Variants in DNM1 observed in about 807,000 individuals in gnomAD.
DNM1 encodes dynamin 1.
In DNM1, 29 loss-of-function variants were observed where a neutral mutation model predicts 104.6. That is an observed-to-expected ratio of 0.28 (90% confidence interval 0.21 to 0.38). The LOEUF (loss-of-function observed/expected upper bound fraction) is 0.38. Among genes scored for constraint, DNM1 ranks in the 10% least tolerant of loss-of-function variants. The pLI, the probability that DNM1 is intolerant of heterozygous loss-of-function variation, is 1.00. For missense variants in DNM1, 640 were observed against 1,189.4 expected (o/e 0.54, Z 6.79); for synonymous variants, 445 against 475.8 (o/e 0.94, Z 0.84).
intron 10 of DNM1, among the ~76,000 whole-genome samples, chr9:128,233,084 G>T (rs960934385): frequency 1.3e-5 from 2 of 152,256 alleles, no homozygotes; most frequent in Non-Finnish European, 2.9e-5. Context: ...TGAATCACCT[G>T]GGCTGTGCCC....
chr9:128,218,549 C>T lies in DNM1; in HGVS notation c.236-33C>T. The T allele has an allele frequency of 6.3e-7, 1 of 1,594,080 alleles. No individual in the cohort carries two copies. Among genetic ancestry groups the T allele is most frequent in the East Asian group, 2.2e-5 (1 of 44,504 alleles). On this transcript the variant is annotated intron_variant, in intron 2 of 21. Coordinates refer to ENST00000372923, the MANE Select transcript of DNM1 (RefSeq NM_004408.4). This position sits in a 1 kb window ranked among gnomAD's most constrained non-coding sequence, Gnocchi z 4.8. ...CAGGTGGGGTTCCAGACCTTGATGC[C>T]TACTGCCCTTCCCCTGCCCGCTTCT...
Position 128,229,783 on chromosome 9 carries a change from G to A in DNM1, c.1336-4238G>A, listed in dbSNP as rs908788741. Among the ~76,000 whole-genome samples the A allele has an allele frequency of 3.3e-5, 5 of 151,978 alleles. No individual in the cohort carries two copies. The East Asian group carries it at 9.7e-4, about 29-fold the overall frequency. On this transcript the variant is annotated intron_variant, in intron 10 of 21. Coordinates refer to ENST00000372923, the MANE Select transcript of DNM1 (RefSeq NM_004408.4). Reference sequence around the variant, plus strand: ...GAAAAATTAGCCGGGTGTGGTGGTGGGCACCTGTAATCTCAGCCACTCGGG... The same window carrying A: ...GAAAAATTAGCCGGGTGTGGTGGTGAGCACCTGTAATCTCAGCCACTCGGG...
At chr9:128,217,803 C>T (rs1183232133) in intron 1 of DNM1, among the ~76,000 whole-genome samples, 1 of 152,210 alleles carries the variant, frequency 6.6e-6, no homozygotes, top group Non-Finnish European at 1.5e-5. Context: ...TGAGATGCTG[C>T]CCTGCCCCAC....
chr9:128,220,850 G>A lies in DNM1; in HGVS notation c.849+509G>A, dbSNP rs1292117846. On this transcript the variant is annotated intron_variant, in intron 6 of 21. Coordinates refer to ENST00000372923, the MANE Select transcript of DNM1 (RefSeq NM_004408.4). This position sits in a 1 kb window ranked among gnomAD's most constrained non-coding sequence, Gnocchi z 5.2. ...CTCCCCCTCTGAGACACTCTCTCTG[G>A]CTCTCTGAGCCTCTATTTCTTTTTT... 6.7e-6 allele frequency among the ~76,000 whole-genome samples: 1 copy of A among 148,332 alleles called. No individual in the cohort carries two copies. The highest frequency in any genetic ancestry group is 6.7e-5 in the Admixed American group (1 of 14,912).
At chr9:128,236,183 T>C (rs1835999711) in intron 11 of DNM1, among the ~76,000 whole-genome samples, 1 of 152,140 alleles carries the variant, frequency 6.6e-6, no homozygotes, top group Non-Finnish European at 1.5e-5. Context: ...ATCACAAACA[T>C]AGCCACTGAA....
At chr9:128,252,862 G>A (rs1829611300) in intron 21 of DNM1, 1 of 683,790 alleles carries the variant, frequency 1.5e-6, no homozygotes, top group Admixed American at 2.0e-5. Flanking sequence ...GTGGCTGCAT[G>A]CCCCAGATCC....
Position 128,220,465 on chromosome 9 carries a change from C to G in DNM1, c.849+124C>G. 1 of 1,300,844 alleles carries G rather than the reference C, an allele frequency of 7.7e-7. No individual in the cohort carries two copies. Among genetic ancestry groups the G allele is most frequent in the African/African-American group, 1.5e-5 (1 of 67,870 alleles). The allele number at this position is 1,300,844 out of a possible 1,614,324, so 80.6% of individuals were successfully genotyped here. On this transcript the variant is annotated intron_variant, in intron 6 of 21. Transcript: ENST00000372923. This position sits in a 1 kb window ranked among gnomAD's most constrained non-coding sequence, Gnocchi z 5.2. Reference sequence around the variant, plus strand: ...TAGTGCAGATAGACAAACTGAGCCTCAGAAAAGCAAAGCAACTTGCCCACA... The same window carrying G: ...TAGTGCAGATAGACAAACTGAGCCTGAGAAAAGCAAAGCAACTTGCCCACA...
At chr9:128,217,264 G>C (rs1238261452) in intron 1 of DNM1, among the ~76,000 whole-genome samples, 2 of 152,218 alleles carry the variant, frequency 1.3e-5, no homozygotes, top group Non-Finnish European at 2.9e-5. Context: ...TGCTCTGCCA[G>C]ATACTGGCTG....
In DNM1 at chr9:128,243,081, A is replaced by C. The variant is rs11789170; in HGVS notation, c.1671+736A>C. 0.24 allele frequency among the ~76,000 whole-genome samples: 36,156 copies of C among 152,104 alleles called. 5,850 individuals are homozygous for C. The highest frequency in any genetic ancestry group is 0.46 in the African/African-American group (18,934 of 41,458). The stretch of plus-strand genomic sequence containing the variant: ...GCACCCCAGTCCCCTAGACCCCTGC[A>C]GTCCAAGGGAAATGACCAGGGTGCC... On this transcript the variant is annotated intron_variant, in intron 15 of 21. Transcript: ENST00000372923. The surrounding 1 kb of genome is among the most constrained non-coding windows in gnomAD (Gnocchi z 4.0).
rs1055965066 is a variant in DNM1 at position 128,222,399 on chromosome 9, C to G, written c.992+60C>G. 6.2e-7 allele frequency: 1 copy of G among 1,609,730 alleles called. No homozygotes were observed. Among genetic ancestry groups the G allele is most frequent in the Admixed American group, 1.7e-5 (1 of 59,868 alleles). On this transcript the variant is annotated intron_variant, in intron 7 of 21. Coordinates refer to ENST00000372923, the MANE Select transcript of DNM1 (RefSeq NM_004408.4). This position sits in a 1 kb window ranked among gnomAD's most constrained non-coding sequence, Gnocchi z 7.8. ...GCCCCCAGCCTCTCAGCGTGGGGCTCTCCCAGGGTTCCCTTTGCTGGGCTG... is the reference window on the plus strand; with the variant it reads ...GCCCCCAGCCTCTCAGCGTGGGGCTGTCCCAGGGTTCCCTTTGCTGGGCTG...
rs142104080 is a variant in DNM1 at position 128,229,046 on chromosome 9, A to G, written c.1335+4657A>G. 1.4e-3 allele frequency among the ~76,000 whole-genome samples: 217 copies of G among 152,268 alleles called. 1 individual carries two copies. Among genetic ancestry groups the G allele is most frequent in the Admixed American group, 4.3e-3 (65 of 15,284 alleles). On this transcript the variant is annotated intron_variant, in intron 10 of 21. Transcript: ENST00000372923. Reference sequence around the variant, plus strand: ...GGAGACTATCTAAATATTCACCAATAGGAAAATGGTTAAGTAAACTGTGAT... The same window carrying G: ...GGAGACTATCTAAATATTCACCAATGGGAAAATGGTTAAGTAAACTGTGAT...
Position 128,234,044 on chromosome 9 carries a change from G to A in DNM1, c.1359G>A (p.Arg453=), listed in dbSNP as rs968662562. 3 of 1,575,972 alleles carry A rather than the reference G, an allele frequency of 1.9e-6. No homozygotes were observed. The African/African-American group carries it at 4.1e-5, about 21-fold the overall frequency. The change falls in exon 11 of 22, where the codon CGG becomes CGA. Residue 453 remains arginine (R), a synonymous_variant. Transcript: ENST00000372923. ...TKKLQQYPRL[R]EEMERIVTTH... ...AGCTCCAGCAGTACCCGCGGCTACG[G>A]GAGGAGATGGAGCGCATCGTGACCA...
At chr9:128,232,279 C>G (rs1182431402) in intron 10 of DNM1, among the ~76,000 whole-genome samples, 1 of 152,192 alleles carries the variant, frequency 6.6e-6, no homozygotes, top group African/African-American at 2.4e-5. Context: ...TCTGCCCAGA[C>G]TTGGAGACTG....
intron 10 of DNM1, among the ~76,000 whole-genome samples, chr9:128,226,700 C>T (rs1426072509): frequency 2.0e-5 from 3 of 152,318 alleles, no homozygotes; most frequent in East Asian, 3.9e-4. Flanking sequence ...GGATTACTCA[C>T]TTTACAGTAA....
chr9:128,254,302 G>A lies in DNM1; in HGVS notation c.2535-352G>A. The A allele has an allele frequency of 7.2e-7, 1 of 1,390,640 alleles. No homozygotes were observed. The highest frequency in any genetic ancestry group is 1.5e-5 in the African/African-American group (1 of 67,650). 86.1% of individuals were successfully genotyped at this position (1,390,640 alleles called of 1,614,324 possible). On this transcript the variant is annotated intron_variant, in intron 21 of 21. Coordinates refer to ENST00000372923, the MANE Select transcript of DNM1 (RefSeq NM_004408.4). The surrounding 1 kb of genome is among the most constrained non-coding windows in gnomAD (Gnocchi z 6.1). ...GGGGTGGCCCCAGGCCAGTGGGTTG[G>A]AAGACAGGGTGACCAGAGAAGAGGG...
intron 15 of DNM1, among the ~76,000 whole-genome samples, chr9:128,244,096 T>C (rs1218621207): frequency 6.7e-6 from 1 of 148,356 alleles, no homozygotes; most frequent in Non-Finnish European, 1.5e-5. Flanking sequence ...GGAGTGACTC[T>C]GGGCACCTGC....
intron 1 of DNM1, among the ~76,000 whole-genome samples, chr9:128,211,482 T>A (rs1834295866): frequency 7.4e-6 from 1 of 135,160 alleles, no homozygotes; most frequent in Non-Finnish European, 1.7e-5. Context: ...CTTTTTTTTT[T>A]TTTTTTTTTT....
intron 20 of DNM1, 43 bp from the exon 21 acceptor site, chr9:128,250,682 C>T (rs917094592): frequency 1.4e-6 from 2 of 1,419,562 alleles, no homozygotes; most frequent in Non-Finnish European, 1.8e-6. Context: ...GGCGGAGCTG[C>T]TCATCTCGCC....
chr9:128,250,305 C>CGG lies in DNM1; in HGVS notation c.2268_2269insGG (p.Pro757GlyfsTer132), dbSNP rs1193236238. ...ACCACCGTCAGCACGCCCATGCCCC[C>CGG]GCCCGTGGACGACTCCTGGCTGCAG... On this transcript the variant is annotated frameshift_variant, in exon 20 of 22. Coordinates refer to ENST00000372923, the MANE Select transcript of DNM1 (RefSeq NM_004408.4). LOFTEE classifies it high-confidence loss of function. The CGG allele has an allele frequency of 6.2e-7, 1 of 1,607,990 alleles. No individual in the cohort carries two copies. The highest frequency in any genetic ancestry group is 8.5e-7 in the Non-Finnish European group (1 of 1,177,514).
Sources: gnomAD v4.1 joint callset for allele counts (sites outside exome capture counted in the v4.1 genomes callset) on GRCh38, gnomAD v4.1.1 for gene constraint, Gnocchi (gnomAD v3.1) non-coding constraint, MANE v1.5 for transcripts, NCBI Gene and HGNC (gene_info 2026-07-23, HGNC 2026-07-21) for gene names.